The following ATXN1 variants were observed in gnomAD, a reference collection of about 807,000 sequenced individuals.
ATXN1 encodes the protein ataxin-1.
Under a neutral mutation model 56.4 loss-of-function variants are expected in ATXN1, and 8 were observed. The observed-to-expected ratio is 0.14, with a 90% confidence interval of 0.08 to 0.26. The LOEUF is 0.26. Among genes scored for constraint, ATXN1 ranks in the 10% least tolerant of loss-of-function variants. The probability of loss-of-function intolerance (pLI) is 1.00; values close to 1 mark genes in which losing one functional copy is unlikely to be tolerated. For synonymous variants in ATXN1, 514 were observed against 494.6 expected, an observed-to-expected ratio of 1.04 and a Z score of -0.52; for missense variants, 987 against 1,106.5, an observed-to-expected ratio of 0.89 and a Z score of 1.53.
At chr6:16,732,593 C>T (rs1325140074) in intron 2 of ATXN1, among the ~76,000 whole-genome samples, 1 of 152,026 alleles carries the variant, frequency 6.6e-6, no homozygotes, top group African/African-American at 2.4e-5. Flanking sequence ...AAAAAAATCA[C>T]TCCATTTGAT....
intron 6 of ATXN1, among the ~76,000 whole-genome samples, chr6:16,406,683 A>G (rs540366388): frequency 2.0e-5 from 3 of 152,366 alleles, no homozygotes; most frequent in African/African-American, 7.2e-5. Flanking sequence ...ATACTGGTCC[A>G]AGCAAGCATT....
At position 16,306,520 on chromosome 6, in the gene ATXN1, G is replaced by A. The variant is rs16885; in HGVS notation, c.2257C>T (p.Pro753Ser). 0.19 allele frequency: 301,881 copies of A among 1,614,034 alleles called. 30,868 individuals are homozygous for A. Among genetic ancestry groups the A allele is most frequent in the Admixed American group, 0.3 (17,817 of 60,012 alleles). Residue 753 changes from proline to serine, a missense_variant, in exon 8 of 8, where the codon CCT (proline) becomes TCT (serine). By Grantham distance (74) the Pro-to-Ser change is moderately conservative. Transcript: ENST00000436367. The surrounding 1 kb of genome is among the most constrained non-coding windows in gnomAD (Gnocchi z 5.2). ...ATTTTGGTGAGGAAGGGCGCTGCAG[G>A]CAATCCCATTTTCTCTGGAAACTTC... ...ELKFPEKMGL[P>S]AAPFLTKIEP...
chr6:16,706,848 T>G (rs959778050), intron 2 of ATXN1, among the ~76,000 whole-genome samples: 4 of 152,188 alleles, frequency 2.6e-5, no homozygotes, highest in African/African-American at 9.6e-5. Context: ...TGGATCCTCC[T>G]TCTTCCAATC....
chr6:16,577,523 CA>C lies in ATXN1; in HGVS notation c.-361+8256del, dbSNP rs61193572. Among the ~76,000 whole-genome samples, 277 of 77,000 alleles carry C rather than the reference CA, an allele frequency of 3.6e-3. 1 individual carries two copies. The highest frequency in any genetic ancestry group is 0.025 in the Middle Eastern group (3 of 118). 50.5% of individuals were successfully genotyped at this position (77,000 alleles called of 152,430 possible). A position where few individuals can be genotyped will look rare whatever the true frequency, so the allele number is the denominator to read the frequency against. On this transcript the variant is annotated intron_variant, in intron 4 of 7. Transcript: ENST00000436367. ...TGGGCAACAGAGCAAGACTCTGTCT[CA>C]AAAAAAAAAAAAAAAAAGGAAAAAA...
intron 3 of ATXN1, among the ~76,000 whole-genome samples, chr6:16,632,807 C>T (rs915996666): frequency 5.9e-5 from 9 of 152,056 alleles, no homozygotes; most frequent in African/African-American, 2.2e-4. Context: ...CACCTGAGGT[C>T]TGGAGTTCGA....
intron 2 of ATXN1, among the ~76,000 whole-genome samples, chr6:16,711,778 C>T (rs953941772): frequency 2.6e-5 from 4 of 151,820 alleles, no homozygotes; most frequent in East Asian, 1.9e-4. Context: ...CCACTGCTGC[C>T]GCCTAGTTTT....
At chr6:16,353,473 G>C (rs754161812) in intron 6 of ATXN1, among the ~76,000 whole-genome samples, 11 of 152,128 alleles carry the variant, frequency 7.2e-5, no homozygotes, top group Admixed American at 1.3e-4. Flanking sequence ...AGGAGTTCGA[G>C]ACCAGCCTGG....
At chr6:16,748,343 T>C (rs1279157423) in intron 2 of ATXN1, among the ~76,000 whole-genome samples, 1 of 152,148 alleles carries the variant, frequency 6.6e-6, no homozygotes, top group East Asian at 1.9e-4. Flanking sequence ...GTGTTACCTG[T>C]GTCATGGCTC....
chr6:16,616,771 A>G (rs1364493473), intron 3 of ATXN1, among the ~76,000 whole-genome samples: 1 of 150,194 alleles, frequency 6.7e-6, no homozygotes, highest in African/African-American at 2.4e-5. Context: ...CCTAAAACGC[A>G]ATGATAATCA....
chr6:16,355,843 C>G (rs1408332520), intron 6 of ATXN1, among the ~76,000 whole-genome samples: 7 of 152,024 alleles, frequency 4.6e-5, no homozygotes, highest in African/African-American at 9.7e-5. Flanking sequence ...GGATTACAGG[C>G]GTGAGGCACC....
rs1438614183 is a variant in ATXN1 at position 16,473,048 on chromosome 6, T to A, written c.-161+12924A>T. On this transcript the variant is annotated intron_variant, in intron 6 of 7. Coordinates refer to ENST00000436367, the MANE Select transcript of ATXN1 (RefSeq NM_001128164.2). ...TTTTCAATTATTTGGTTAGGGAAGG[T>A]GTCCCTCAAGGAAAAGAGCATAGGA... Among the ~76,000 whole-genome samples the A allele has an allele frequency of 2.0e-5, 3 of 152,284 alleles. No homozygotes were observed. The South Asian group carries it at 6.2e-4, about 32-fold the overall frequency.
chr6:16,494,516 A>G (rs1234528847), intron 5 of ATXN1, among the ~76,000 whole-genome samples: 1 of 152,210 alleles, frequency 6.6e-6, no homozygotes, highest in Non-Finnish European at 1.5e-5. Context: ...ATGTTGATCC[A>G]TGTCACTGCT....
At position 16,327,678 on chromosome 6, in the gene ATXN1, A is replaced by ATGATGC. The variant is rs1760859964; in HGVS notation, c.632_633insGCATCA (p.Gln210_His211insGlnHis). 1.0e-6 allele frequency: 1 copy of ATGATGC among 956,582 alleles called. No homozygotes were observed. Among genetic ancestry groups the ATGATGC allele is most frequent in the African/African-American group, 2.2e-5 (1 of 44,792 alleles). 59.3% of individuals were successfully genotyped at this position (956,582 alleles called of 1,614,324 possible). On this transcript the variant is annotated inframe_insertion, in exon 7 of 8. Transcript: ENST00000436367. The stretch of plus-strand genomic sequence containing the variant: ...GCTGCTGCTGCTGCTGCTGCTGCTG[A>ATGATGC]TGCTGATGCTGCTGCTGCTGCTGCT...
At chr6:16,322,676 G>A (rs1760683634) in intron 7 of ATXN1, among the ~76,000 whole-genome samples, 1 of 152,134 alleles carries the variant, frequency 6.6e-6, no homozygotes, top group Non-Finnish European at 1.5e-5. Flanking sequence ...ACTGCAGAGG[G>A]GAGAAGGATG....
intron 3 of ATXN1, among the ~76,000 whole-genome samples, chr6:16,629,725 G>A (rs1410606907): frequency 6.6e-6 from 1 of 151,954 alleles, no homozygotes; most frequent in Non-Finnish European, 1.5e-5. Context: ...AGACCATCCT[G>A]GCCAACATGA....
intron 6 of ATXN1, among the ~76,000 whole-genome samples, chr6:16,345,921 A>G (rs1761375291): frequency 6.6e-6 from 1 of 152,142 alleles, no homozygotes; most frequent in African/African-American, 2.4e-5. Flanking sequence ...CCCCCAGCTC[A>G]GCGTCATTAA....
At chr6:16,634,660 A>C (rs139918898) in intron 3 of ATXN1, among the ~76,000 whole-genome samples, 111 of 152,304 alleles carry the variant, frequency 7.3e-4, no homozygotes, top group Non-Finnish European at 1.4e-3. Context: ...CTTTCATATA[A>C]ATGAAATTGA....
intron 7 of ATXN1, among the ~76,000 whole-genome samples, chr6:16,322,320 T>G (rs1760673873): frequency 6.6e-6 from 1 of 152,086 alleles, no homozygotes; most frequent in African/African-American, 2.4e-5. Context: ...AGAGGTGAAG[T>G]AACTTGTCCT....
chr6:16,311,297 G>A (rs1444826965), intron 7 of ATXN1, among the ~76,000 whole-genome samples: 1 of 152,156 alleles, frequency 6.6e-6, no homozygotes, highest in African/African-American at 2.4e-5. Context: ...AATGGGTTTA[G>A]GATTTTATCC....
Sources: allele counts gnomAD v4.1 joint callset (sites outside exome capture counted in the v4.1 genomes callset), GRCh38; gene constraint gnomAD v4.1.1; non-coding constraint Gnocchi (gnomAD v3.1); transcripts MANE v1.5; gene names NCBI Gene and HGNC (gene_info 2026-07-23, HGNC 2026-07-21).